The following CTNNA1 variants were observed in gnomAD, a reference collection of about 807,000 sequenced individuals.
CTNNA1 encodes catenin alpha 1.
A neutral mutation model predicts 98.4 loss-of-function variants in CTNNA1; 37 were observed. The ratio of observed to expected loss-of-function variants is 0.38; its 90% CI spans 0.29 to 0.49. CTNNA1 has a LOEUF of 0.49. Among genes scored for constraint, CTNNA1 ranks in the 20% least tolerant of loss-of-function variants. The pLI is 0.95. For synonymous variants in CTNNA1, 404 were observed against 413.2 expected, an observed-to-expected ratio of 0.98 and a Z score of 0.27; for missense variants, 761 against 1,147.2, an observed-to-expected ratio of 0.66 and a Z score of 4.86.
At chr5:138,765,388 G>A (rs1752819218) in intron 1 of CTNNA1, among the ~76,000 whole-genome samples, 1 of 151,904 alleles carries the variant, frequency 6.6e-6, no homozygotes, top group East Asian at 2.0e-4. Context: ...CACCATGTTG[G>A]CCAGGCTGGT....
At chr5:138,923,283 G>T (rs1763300400) in intron 11 of CTNNA1, among the ~76,000 whole-genome samples, 1 of 152,074 alleles carries the variant, frequency 6.6e-6, no homozygotes, top group East Asian at 1.9e-4. Context: ...CTTGTGATGG[G>T]CTCCAAATCC....
chr5:138,900,678 G>T (rs1487696747), intron 9 of CTNNA1, among the ~76,000 whole-genome samples: 1 of 152,132 alleles, frequency 6.6e-6, no homozygotes, highest in Non-Finnish European at 1.5e-5. Context: ...TGGAGTAAAG[G>T]TAGAGCCTTC....
chr5:138,811,856 C>T (rs1167193439), intron 4 of CTNNA1: 3 of 192,420 alleles, frequency 1.6e-5, no homozygotes, highest in African/African-American at 4.8e-5. Flanking sequence ...TGCAGTGAGC[C>T]GAGATGGCAG....
intron 2 of CTNNA1, 51 bp downstream of exon 2, chr5:138,782,080 C>G (rs551075664): frequency 1.3e-6 from 2 of 1,546,996 alleles, no homozygotes; most frequent in African/African-American, 2.8e-5. Context: ...ATAGCACAGG[C>G]CTGGGTAACA....
chr5:138,784,388 G>A (rs1176557019), intron 3 of CTNNA1, among the ~76,000 whole-genome samples: 2 of 152,178 alleles, frequency 1.3e-5, no homozygotes, highest in African/African-American at 4.8e-5. Context: ...ATAGTCCAGA[G>A]TCTTATGTCA....
intron 7 of CTNNA1, among the ~76,000 whole-genome samples, chr5:138,846,079 A>T (rs1762704733): frequency 6.6e-6 from 1 of 152,098 alleles, no homozygotes; most frequent in African/African-American, 2.4e-5. Flanking sequence ...AGCGCCCACC[A>T]CCACGCCCGG....
chr5:138,846,836 T>A (rs1296123149), intron 7 of CTNNA1, among the ~76,000 whole-genome samples: 1 of 152,188 alleles, frequency 6.6e-6, no homozygotes, highest in African/African-American at 2.4e-5. Context: ...CAGGGTGTCT[T>A]CTCTCTGAAA....
chr5:138,903,607 G>T (rs890251211), intron 9 of CTNNA1, among the ~76,000 whole-genome samples: 1 of 152,210 alleles, frequency 6.6e-6, no homozygotes, highest in Non-Finnish European at 1.5e-5. Flanking sequence ...TGGAAAGATT[G>T]TTCCTGGCCA....
At chr5:138,858,595 T>TTTTTCTTTTTTTTTTTTTTTTTTTTTTTC (rs1554090747) in intron 7 of CTNNA1, among the ~76,000 whole-genome samples, 2 of 83,152 alleles carry the variant, frequency 2.4e-5, no homozygotes, top group African/African-American at 5.2e-5. Context: ...TTTCTTTTTC[T>TTTTTCTTTTTTTTTTTTTTTTTTTTTTTC]TTTTTTTTTT....
chr5:138,764,110 G>A (rs1431219893), intron 1 of CTNNA1, among the ~76,000 whole-genome samples: 2 of 152,174 alleles, frequency 1.3e-5, no homozygotes, highest in East Asian at 1.9e-4. Context: ...GCTTGAACCC[G>A]GGAGGTGGAG....
At chr5:138,871,823 G>A (rs1425768461) in intron 7 of CTNNA1, 7 of 152,148 alleles carry the variant, frequency 4.6e-5, no homozygotes, top group Non-Finnish European at 7.3e-5. Context: ...TTGAAAGATC[G>A]AAATGTATTA....
chr5:138,846,256 G>T (rs1467283729), intron 7 of CTNNA1, among the ~76,000 whole-genome samples: 1 of 152,110 alleles, frequency 6.6e-6, no homozygotes. Context: ...CTGGCCCAAG[G>T]GTACTGGGTT....
chr5:138,798,994 T>TA (rs947404361), intron 3 of CTNNA1, among the ~76,000 whole-genome samples: 121 of 152,102 alleles, frequency 8.0e-4, no homozygotes, highest in Non-Finnish European at 1.4e-3. Context: ...TTTTTTTTAT[T>TA]AAAAAAAATT....
Position 138,877,476 on chromosome 5 carries a change from T to C in CTNNA1, c.1063-8736T>C, listed in dbSNP as rs926564293. ...TTTTTTTTGAGACGGAGTCTCGCTC[T>C]GTCGCCCAGGCCGGACTGCGGACTG... On this transcript the variant is annotated intron_variant, in intron 7 of 17. Coordinates refer to ENST00000302763, the MANE Select transcript of CTNNA1 (RefSeq NM_001903.5). Among the ~76,000 whole-genome samples, 9 of 150,590 alleles carry C rather than the reference T, an allele frequency of 6.0e-5. 1 individual carries two copies. The highest frequency in any genetic ancestry group is 2.2e-4 in the African/African-American group (9 of 40,996).
intron 5 of CTNNA1, among the ~76,000 whole-genome samples, chr5:138,818,029 C>T (rs1373672168): frequency 1.3e-5 from 2 of 152,094 alleles, no homozygotes; most frequent in Non-Finnish European, 2.9e-5. Flanking sequence ...CCCCCGCCCC[C>T]ACAACCAAGT....
chr5:138,758,920 C>T (rs1480756524), intron 1 of CTNNA1, among the ~76,000 whole-genome samples: 1 of 152,072 alleles, frequency 6.6e-6, no homozygotes, highest in African/African-American at 2.4e-5. Context: ...TCTCCTGCCT[C>T]AGCCTCTTGA....
At chr5:138,818,134 C>CT (rs781515010) in intron 5 of CTNNA1, among the ~76,000 whole-genome samples, 1,707 of 133,376 alleles carry the variant, frequency 0.013, 25 homozygotes, top group African/African-American at 0.042. Flanking sequence ...TTTCCTTTTT[C>CT]TTTTTTTTTT....
chr5:138,783,258 G>C lies in CTNNA1; in HGVS notation c.187G>C (p.Ala63Pro), dbSNP rs1175071018. The change falls in exon 3 of 18, where the codon GCA becomes CCA. Residue 63 changes from alanine to proline, a missense_variant. Ala to Pro is a conservative substitution (Grantham distance 27). Transcript: ENST00000302763. ...GRSKKAHVLA[A>P]SVEQATENFL... ...TTCTAAGAAGGCCCATGTTTTGGCT[G>C]CATCTGTTGAACAAGCAACTGAGAA... The C allele has an allele frequency of 6.2e-7, 1 of 1,614,130 alleles. No homozygotes were observed. The highest frequency in any genetic ancestry group is 1.1e-5 in the South Asian group (1 of 91,078).
At chr5:138,932,178 T>G in intron 16 of CTNNA1, 10 of 1,008,580 alleles carry the variant, frequency 9.9e-6, no homozygotes, top group Non-Finnish European at 1.2e-5. Context: ...TCTGGACTTT[T>G]CTCCATAGCC....
Sources: allele counts gnomAD v4.1 joint callset (sites outside exome capture counted in the v4.1 genomes callset), GRCh38; gene constraint gnomAD v4.1.1; transcripts MANE v1.5; gene names NCBI Gene and HGNC (gene_info 2026-07-23, HGNC 2026-07-21).